Variants in FAM118A observed in about 807,000 individuals in gnomAD.
The protein encoded by FAM118A is protein FAM118A.
A neutral mutation model predicts 38.2 loss-of-function variants in FAM118A; 25 were observed. That is an observed-to-expected ratio of 0.65 (90% CI 0.48 to 0.91). The LOEUF (loss-of-function observed/expected upper bound fraction) is 0.91, where lower values mean the gene tolerates loss of function less well. FAM118A is among the 40% of genes least tolerant of loss of function. The pLI is 0.00. For missense variants in FAM118A, 425 were observed against 463.3 expected (o/e 0.92, Z 0.76); for synonymous variants, 178 against 184.1 (o/e 0.97, Z 0.27).
intron 5 of FAM118A, among the ~76,000 whole-genome samples, chr22:45,331,037 C>T (rs1241366106): frequency 2.6e-5 from 4 of 152,214 alleles, no homozygotes; most frequent in Admixed American, 6.5e-5. Context: ...TGGTGGTTCT[C>T]ACCTGCCCAG....
At chr22:45,336,279 C>T (rs370543931) in intron 7 of FAM118A, 49 bp from the exon 8 acceptor site, 34 of 1,479,332 alleles carry the variant, frequency 2.3e-5, no homozygotes, top group Middle Eastern at 1.7e-4. Context: ...TGTGCCTTGG[C>T]GAGTGGATTC....
At chr22:45,315,262 TA>T (rs1298975178) in intron 1 of FAM118A, among the ~76,000 whole-genome samples, 1 of 152,198 alleles carries the variant, frequency 6.6e-6, no homozygotes, top group East Asian at 1.9e-4. Flanking sequence ...CATTACAAAA[TA>T]AGGCATTTTT....
At chr22:45,315,153 C>T (rs1429253986) in intron 1 of FAM118A, among the ~76,000 whole-genome samples, 1 of 152,128 alleles carries the variant, frequency 6.6e-6, no homozygotes, top group Non-Finnish European at 1.5e-5. Flanking sequence ...GATTCTTTTT[C>T]TAGTGGTGGG....
intron 1 of FAM118A, among the ~76,000 whole-genome samples, chr22:45,316,103 G>A (rs965377543): frequency 2.8e-4 from 42 of 152,074 alleles, no homozygotes; most frequent in Admixed American, 1.9e-3. Context: ...GCAGTGGCAC[G>A]ATCTCGGCTC....
chr22:45,340,334 TTC>T, intron 8 of FAM118A, 50 bp from the exon 9 acceptor site: 1 of 1,608,932 alleles, frequency 6.2e-7, no homozygotes, highest in Non-Finnish European at 8.5e-7. Flanking sequence ...TGCAAATAAC[TTC>T]TTTTAGCTGG....
intron 5 of FAM118A, among the ~76,000 whole-genome samples, 187 bp downstream of exon 5, chr22:45,330,918 G>A (rs949765754): frequency 2.0e-5 from 3 of 152,208 alleles, no homozygotes; most frequent in Admixed American, 2.0e-4. Flanking sequence ...GTCCCGCATG[G>A]TGCCTCCATG....
At chr22:45,319,903 G>GT (rs2084776405) in intron 1 of FAM118A, among the ~76,000 whole-genome samples, 4 of 152,218 alleles carry the variant, frequency 2.6e-5, no homozygotes, top group Admixed American at 2.6e-4. Flanking sequence ...TTCTTTGCCT[G>GT]TGGACTGTGA....
At chr22:45,310,393 C>G (rs1449007857) in intron 1 of FAM118A, among the ~76,000 whole-genome samples, 2 of 151,948 alleles carry the variant, frequency 1.3e-5, no homozygotes, top group African/African-American at 4.8e-5. Context: ...GACTCCGAGA[C>G]CCCCTGAGGA....
At chr22:45,327,775 C>A in intron 3 of FAM118A, 67 bp from the exon 4 acceptor site, 4 of 1,521,030 alleles carry the variant, frequency 2.6e-6, no homozygotes, top group Non-Finnish European at 3.6e-6. Context: ...CAGAAAATGG[C>A]CTGCTTAGGT....
At chr22:45,312,886 C>G (rs1016457742) in intron 1 of FAM118A, among the ~76,000 whole-genome samples, 16 of 152,116 alleles carry the variant, frequency 1.1e-4, no homozygotes, top group African/African-American at 3.9e-4. Context: ...GAACCCAGCC[C>G]TTTTATGCCT....
At position 45,335,886 on chromosome 22, in the gene FAM118A, G is replaced by A. The variant is rs772633348; in HGVS notation, c.971-442G>A. 2.0e-5 allele frequency among the ~76,000 whole-genome samples: 3 copies of A among 152,308 alleles called. No homozygotes were observed. In the South Asian group the frequency reaches 6.2e-4, roughly 32 times the overall value. ...GCCATGAGCGTCCTCCTGTGTGTGCGCTGGGCACCAGGTGCCTCCCCTTGC... is the reference window on the plus strand; with the variant it reads ...GCCATGAGCGTCCTCCTGTGTGTGCACTGGGCACCAGGTGCCTCCCCTTGC... On this transcript the variant is annotated intron_variant, in intron 7 of 8. Transcript: ENST00000441876.
intron 1 of FAM118A, among the ~76,000 whole-genome samples, chr22:45,312,725 T>C (rs1227818044): frequency 3.9e-5 from 6 of 152,092 alleles, no homozygotes; most frequent in African/African-American, 1.4e-4. Context: ...GGTTTACTGG[T>C]TTGTTATGAA....
At chr22:45,329,733 C>G (rs1006118270) in intron 4 of FAM118A, 4 of 152,426 alleles carry the variant, frequency 2.6e-5, no homozygotes, top group Non-Finnish European at 5.9e-5. Context: ...GACATCTGCT[C>G]TCTGCGTCTG....
At chr22:45,316,170 G>T (rs184901442) in intron 1 of FAM118A, among the ~76,000 whole-genome samples, 1 of 152,312 alleles carries the variant, frequency 6.6e-6, no homozygotes, top group East Asian at 1.9e-4. Flanking sequence ...CTCCAGAGTA[G>T]CTGGGATTAC....
intron 1 of FAM118A, among the ~76,000 whole-genome samples, chr22:45,315,197 C>T (rs2084551835): frequency 6.6e-6 from 1 of 152,146 alleles, no homozygotes. Context: ...TGTATACGTC[C>T]AAGCAGCTCT....
chr22:45,327,005 C>A (rs1159835475), intron 3 of FAM118A, among the ~76,000 whole-genome samples: 1 of 150,648 alleles, frequency 6.6e-6, no homozygotes, highest in Non-Finnish European at 1.5e-5. Flanking sequence ...CAGAGTGAGA[C>A]TCTGTCTCAA....
chr22:45,337,783 C>G, intron 8 of FAM118A: 7 of 979,668 alleles, frequency 7.1e-6, no homozygotes, highest in Non-Finnish European at 8.5e-6. Context: ...CCTGAGGCCG[C>G]TTCTGCAGAC....
chr22:45,310,219 C>T (rs944013966), intron 1 of FAM118A, 36 bp downstream of exon 1: 1 of 151,934 alleles, frequency 6.6e-6, no homozygotes, highest in Admixed American at 6.5e-5. Context: ...TCCCTGCATC[C>T]GGAGCCCCTG....
chr22:45,338,404 C>T (rs147940388), intron 8 of FAM118A, among the ~76,000 whole-genome samples: 1,946 of 152,124 alleles, frequency 0.013, 39 homozygotes, highest in African/African-American at 0.044. Context: ...TAATTTTGTA[C>T]TTTTAGTAGA....
Sources: allele counts gnomAD v4.1 joint callset (sites outside exome capture counted in the v4.1 genomes callset), GRCh38; gene constraint gnomAD v4.1.1; transcripts MANE v1.5; gene names NCBI Gene and HGNC (gene_info 2026-07-23, HGNC 2026-07-21).